Variants in ANK3 observed in about 807,000 individuals in gnomAD.
ANK3 encodes ankyrin 3.
In ANK3, 57 loss-of-function variants were observed where a neutral mutation model predicts 370.9. That is an observed-to-expected ratio of 0.15 (90% CI 0.12 to 0.19). The LOEUF (loss-of-function observed/expected upper bound fraction) is 0.19. Among genes scored for constraint, ANK3 ranks in the 10% least tolerant of loss-of-function variants. ANK3 has a pLI of 1.00. For missense variants in ANK3, 4,439 were observed against 5,302.1 expected (o/e 0.84, Z 5.06); for synonymous variants, 1,929 against 1,946.3 (o/e 0.99, Z 0.23).
At position 60,405,445 on chromosome 10, in the gene ANK3, A is replaced by C. The variant is rs574871326; in HGVS notation, c.97-125806T>G. ...ATGAAGATCTAAAACAGGCAAAACT[A>C]ATCTATAGTGAAAAAAATCAGAACA... On this transcript the variant is annotated intron_variant, in intron 2 of 43. Coordinates refer to the ANK3 transcript ENST00000373827. Among the ~76,000 whole-genome samples the C allele has an allele frequency of 7.2e-5, 11 of 152,276 alleles. 1 individual carries two copies. In the East Asian group the frequency reaches 1.7e-3, roughly 24 times the overall value.
At chr10:60,515,335 A>T (rs1000241189) in intron 2 of ANK3, among the ~76,000 whole-genome samples, 6 of 152,148 alleles carry the variant, frequency 3.9e-5, no homozygotes, top group Non-Finnish European at 8.8e-5. Context: ...CTGCACATTC[A>T]GCAGGGTCTG....
rs2131981674 is a variant in ANK3, at chr10:60,074,640, T to C, written c.6241A>G (p.Met2081Val). 2 of 1,613,970 alleles carry C rather than the reference T, an allele frequency of 1.2e-6. No individual in the cohort carries two copies. Among genetic ancestry groups the C allele is most frequent in the Non-Finnish European group, 1.7e-6 (2 of 1,179,968 alleles). The change falls in exon 37 of 44, where the codon ATG becomes GTG. Residue 2081 changes from methionine to valine, a missense_variant. By Grantham distance (21) the Met-to-Val change is conservative (BLOSUM62 1). Coordinates refer to ENST00000280772, the MANE Select transcript of ANK3 (RefSeq NM_020987.5). ...AIALQEHKLK[M>V]PPASMRTSTS... ...GAAGTCCTCATGGAGGCTGGAGGCA[T>C]TTTGAGTTTGTGTTCCTGCAAAGCA...
intron 24 of ANK3, among the ~76,000 whole-genome samples, chr10:60,137,850 A>T (rs755544798): frequency 2.0e-5 from 3 of 152,116 alleles, no homozygotes; most frequent in Non-Finnish European, 4.4e-5. Flanking sequence ...TTTAAACAAG[A>T]TCTACAGGAT....
intron 2 of ANK3, among the ~76,000 whole-genome samples, chr10:60,559,313 C>T (rs901476858): frequency 5.9e-5 from 9 of 152,132 alleles, no homozygotes; most frequent in Non-Finnish European, 1.2e-4. Flanking sequence ...CATTCTTAAG[C>T]CTTTGCATCT....
At chr10:60,187,248 C>T (rs1020872092) in intron 16 of ANK3, among the ~76,000 whole-genome samples, 12 of 151,908 alleles carry the variant, frequency 7.9e-5, no homozygotes, top group East Asian at 1.9e-4. Context: ...CTCCATCTCC[C>T]GGGTTCACGC....
intron 23 of ANK3, among the ~76,000 whole-genome samples, chr10:60,161,961 C>T (rs2095511325): frequency 6.6e-6 from 1 of 152,000 alleles, no homozygotes; most frequent in Non-Finnish European, 1.5e-5. Context: ...ATAGATATCC[C>T]AATTACTCTG....
intron 7 of ANK3, among the ~76,000 whole-genome samples, chr10:60,254,513 TGAGGCC>T (rs1222724932): frequency 6.6e-6 from 1 of 152,190 alleles, no homozygotes; most frequent in Non-Finnish European, 1.5e-5. Context: ...GCCCAGAGCC[TGAGGCC>T]CTGCTTAAAA....
intron 7 of ANK3, among the ~76,000 whole-genome samples, chr10:60,252,751 C>T (rs1215917804): frequency 6.6e-6 from 1 of 152,162 alleles, no homozygotes; most frequent in Non-Finnish European, 1.5e-5. Context: ...AATAGCACCA[C>T]AAACAACATA....
chr10:60,675,809 C>T (rs986564512), intron 1 of ANK3, among the ~76,000 whole-genome samples: 7 of 152,018 alleles, frequency 4.6e-5, no homozygotes, highest in Admixed American at 2.6e-4. Context: ...ACTCCAGTCC[C>T]AAAAGGTGAT....
At chr10:60,592,416 G>T (rs1185446087) in intron 2 of ANK3, among the ~76,000 whole-genome samples, 1 of 152,210 alleles carries the variant, frequency 6.6e-6, no homozygotes, top group Non-Finnish European at 1.5e-5. Flanking sequence ...TGTGAAGCAA[G>T]GCATGGAGAG....
chr10:60,569,439 C>T (rs974249914), intron 2 of ANK3, among the ~76,000 whole-genome samples: 4 of 152,170 alleles, frequency 2.6e-5, no homozygotes, highest in African/African-American at 9.7e-5. Context: ...ATTACAAGAG[C>T]ACCCAGGTCT....
intron 2 of ANK3, among the ~76,000 whole-genome samples, chr10:60,568,486 T>C (rs1219938672): frequency 9.9e-5 from 15 of 152,228 alleles, no homozygotes; most frequent in Admixed American, 9.8e-4. Context: ...AAAATGTGCA[T>C]GACTTGCTTA....
At chr10:60,457,370 T>C (rs1019083620) in intron 2 of ANK3, among the ~76,000 whole-genome samples, 4 of 152,142 alleles carry the variant, frequency 2.6e-5, no homozygotes, top group Admixed American at 2.0e-4. Context: ...TGCTAATGTA[T>C]GGATGTTGAA....
chr10:60,061,430 T>C (rs1013504643), intron 40 of ANK3, among the ~76,000 whole-genome samples: 2 of 152,238 alleles, frequency 1.3e-5, no homozygotes, highest in Admixed American at 6.5e-5. Flanking sequence ...ACTACTTCTG[T>C]TGTGTTCTGG....
At chr10:60,689,392 C>T (rs2079317008) in intron 1 of ANK3, among the ~76,000 whole-genome samples, 1 of 152,060 alleles carries the variant, frequency 6.6e-6, no homozygotes, top group Admixed American at 6.6e-5. Flanking sequence ...GAGTGAGACC[C>T]TGTCTCAAAA....
intron 1 of ANK3, among the ~76,000 whole-genome samples, chr10:60,282,141 G>T (rs891089653): frequency 1.7e-4 from 26 of 152,140 alleles, no homozygotes; most frequent in Admixed American, 4.6e-4. Context: ...CTCTGATGCC[G>T]TTCTGGGAAC....
intron 2 of ANK3, among the ~76,000 whole-genome samples, chr10:60,435,137 T>G (rs1319534669): frequency 2.0e-5 from 3 of 152,248 alleles, no homozygotes; most frequent in Non-Finnish European, 4.4e-5. Flanking sequence ...TTGCTCAGTA[T>G]TTTGTTTTTA....
At chr10:60,109,701 A>G (rs1291187885) in intron 26 of ANK3, among the ~76,000 whole-genome samples, 1 of 152,216 alleles carries the variant, frequency 6.6e-6, no homozygotes, top group Non-Finnish European at 1.5e-5. Context: ...TACAATGATT[A>G]AAAAAGTGGA....
chr10:60,656,822 A>T (rs1298981837), intron 1 of ANK3, among the ~76,000 whole-genome samples: 1 of 151,758 alleles, frequency 6.6e-6, no homozygotes, highest in Non-Finnish European at 1.5e-5. Flanking sequence ...TAGTAGTGCG[A>T]TCATAACTCA....
Sources: allele counts gnomAD v4.1 joint callset (sites outside exome capture counted in the v4.1 genomes callset), GRCh38; gene constraint gnomAD v4.1.1; transcripts MANE v1.5; gene names NCBI Gene and HGNC (gene_info 2026-07-23, HGNC 2026-07-21).